Variants in KCNN2 observed in about 807,000 individuals in gnomAD.
KCNN2 encodes small conductance calcium-activated potassium channel protein 2.
KCNN2 carries 24 observed loss-of-function variants against 55.5 expected under a neutral mutation model. The ratio of observed to expected loss-of-function variants is 0.43; its 90% confidence interval spans 0.31 to 0.61. KCNN2 has a LOEUF of 0.61. Ranked by LOEUF, KCNN2 falls within the 20% of genes least tolerant of loss-of-function variation. The pLI, the probability that KCNN2 is intolerant of heterozygous loss-of-function variation, is 0.08. For synonymous variants in KCNN2, 431 were observed against 336.1 expected (o/e 1.28, Z -3.09); for missense variants, 754 against 853.6 (o/e 0.88, Z 1.45).
At chr5:114,313,646 G>T (rs889296511) in intron 2 of KCNN2, among the ~76,000 whole-genome samples, 5 of 152,152 alleles carry the variant, frequency 3.3e-5, no homozygotes, top group African/African-American at 1.2e-4. Flanking sequence ...GAGATGTTCT[G>T]CCTTCAGCCT....
intron 1 of KCNN2, among the ~76,000 whole-genome samples, chr5:114,213,023 T>A (rs1686066851): frequency 1.3e-5 from 2 of 151,948 alleles, no homozygotes; most frequent in Non-Finnish European, 1.5e-5. Context: ...AATGAGATGC[T>A]GGGGGAAAGA....
intron 1 of KCNN2, among the ~76,000 whole-genome samples, chr5:114,079,852 A>T (rs549711689): frequency 0.066 from 9,921 of 150,918 alleles, 429 homozygotes; most frequent in African/African-American, 0.11. Context: ...TGTGAGAGAG[A>T]GAGAGAGAGA....
intron 1 of KCNN2, among the ~76,000 whole-genome samples, chr5:114,150,807 G>A (rs889975089): frequency 8.5e-5 from 13 of 152,050 alleles, no homozygotes; most frequent in Non-Finnish European, 1.3e-4. Flanking sequence ...AGATCACCTC[G>A]GGTTGGGAGT....
intron 1 of KCNN2, among the ~76,000 whole-genome samples, chr5:114,216,570 A>G (rs1754005221): frequency 6.6e-6 from 1 of 152,162 alleles, no homozygotes; most frequent in South Asian, 2.1e-4. Flanking sequence ...ATAGATACAG[A>G]AAAAGCATTT....
intron 3 of KCNN2, among the ~76,000 whole-genome samples, chr5:114,427,499 A>G (rs1223857709): frequency 6.6e-6 from 1 of 152,206 alleles, no homozygotes; most frequent in African/African-American, 2.4e-5. Flanking sequence ...CCATCAAACC[A>G]ATCCCACTCT....
intron 3 of KCNN2, among the ~76,000 whole-genome samples, chr5:114,437,100 CTG>C (rs1176786650): frequency 6.6e-6 from 1 of 151,708 alleles, no homozygotes; most frequent in Non-Finnish European, 1.5e-5. Flanking sequence ...GCAAGAAAAA[CTG>C]AGCTTTAAGT....
At chr5:114,131,077 G>GA (rs1455097742) in intron 1 of KCNN2, among the ~76,000 whole-genome samples, 1 of 151,978 alleles carries the variant, frequency 6.6e-6, no homozygotes, top group African/African-American at 2.4e-5. Context: ...CTAAGCCATT[G>GA]AAAGCACAAT....
intron 2 of KCNN2, among the ~76,000 whole-genome samples, chr5:114,375,472 T>C (rs1180556214): frequency 6.6e-6 from 1 of 152,194 alleles, no homozygotes; most frequent in Non-Finnish European, 1.5e-5. Flanking sequence ...TTTTAGAAAC[T>C]TGCTGTAAGT....
At chr5:114,334,617 T>C (rs1444862776) in intron 2 of KCNN2, among the ~76,000 whole-genome samples, 1 of 152,134 alleles carries the variant, frequency 6.6e-6, no homozygotes, top group Non-Finnish European at 1.5e-5. Context: ...ACTTTTACAT[T>C]TTAGACTCTA....
chr5:114,081,394 C>G (rs1750817250), intron 1 of KCNN2, among the ~76,000 whole-genome samples: 1 of 152,050 alleles, frequency 6.6e-6, no homozygotes, highest in Non-Finnish European at 1.5e-5. Flanking sequence ...AGACTTATTA[C>G]AAAGCTGTAG....
At chr5:114,179,095 A>C (rs1409455030) in intron 1 of KCNN2, among the ~76,000 whole-genome samples, 2 of 152,184 alleles carry the variant, frequency 1.3e-5, no homozygotes, top group African/African-American at 4.8e-5. Context: ...AATTGGGCCC[A>C]AACTCATCAG....
At position 114,309,992 on chromosome 5, in the gene KCNN2, T is replaced by C. The variant is rs1756364162; in HGVS notation, c.-184-50953T>C. ...AAATGCAGTTTATTTCACAAAAGAC[T>C]TTCCTTACTCCTCTCAAGTTGCAGG... On this transcript the variant is annotated intron_variant, in intron 2 of 10. Coordinates refer to the KCNN2 transcript ENST00000512097. Among the ~76,000 whole-genome samples, 3 of 152,208 alleles carry C rather than the reference T, an allele frequency of 2.0e-5. No homozygotes were observed. The South Asian group carries it at 6.2e-4, about 31-fold the overall frequency.
chr5:114,362,740 G>A lies in KCNN2; in HGVS notation c.601G>A (p.Ala201Thr). The A allele has an allele frequency of 6.5e-7, 1 of 1,538,454 alleles. No homozygotes were observed. Residue 201 changes from alanine (A) to threonine (T), a missense_variant, in exon 1 of 8, where the codon GCG becomes ACG. This residue lies in a region of KCNN2 where 381 missense variants were observed against 259.1 expected (regional missense o/e 1.47). Coordinates refer to ENST00000673685, the MANE Select transcript of KCNN2 (RefSeq NM_021614.4). ...GCACCACCAGCACCACCAGCCCCAG[G>A]CGCGCCGCGAGAGCAACCCCTTCAC... is the stretch of plus-strand genomic sequence containing the variant. ...PAHHQHHQPQ[A>T]RRESNPFTEI...
chr5:114,423,235 G>A (rs1335311332), intron 3 of KCNN2, among the ~76,000 whole-genome samples: 1 of 152,170 alleles, frequency 6.6e-6, no homozygotes, highest in East Asian at 1.9e-4. Context: ...TGTTGGATAA[G>A]AGAATCGGGC....
intron 1 of KCNN2, among the ~76,000 whole-genome samples, chr5:114,098,793 T>C (rs1323764460): frequency 6.6e-6 from 1 of 152,148 alleles, no homozygotes; most frequent in Non-Finnish European, 1.5e-5. Context: ...CCAATCTTTT[T>C]TTCCCTCTTT....
rs372987285 is a variant in KCNN2 at position 114,354,667 on chromosome 5, A to C, written c.-184-6278A>C. 4.1e-4 allele frequency among the ~76,000 whole-genome samples: 62 copies of C among 152,328 alleles called. No individual in the cohort carries two copies. In the East Asian group the frequency reaches 0.011, roughly 26 times the overall value. Reference sequence around the variant, plus strand: ...ATGAGCTAGGAAGTACTCCTTGTTAAGAAAATTTAACTTGTGAAAGTATCC... The same window carrying C: ...ATGAGCTAGGAAGTACTCCTTGTTACGAAAATTTAACTTGTGAAAGTATCC... On this transcript the variant is annotated intron_variant, in intron 2 of 10. Coordinates refer to the KCNN2 transcript ENST00000512097.
At chr5:114,171,468 A>G (rs1753031173) in intron 1 of KCNN2, among the ~76,000 whole-genome samples, 1 of 151,860 alleles carries the variant, frequency 6.6e-6, no homozygotes, top group South Asian at 2.1e-4. Context: ...TAATTATTCG[A>G]TTAATATTTC....
chr5:114,374,992 C>G (rs548304939), intron 2 of KCNN2, among the ~76,000 whole-genome samples: 1 of 152,106 alleles, frequency 6.6e-6, no homozygotes, highest in South Asian at 2.1e-4. Context: ...AGGGGAAATT[C>G]TGTGCAATAT....
intron 4 of KCNN2, among the ~76,000 whole-genome samples, chr5:114,464,850 A>C (rs1365794122): frequency 6.7e-6 from 1 of 149,896 alleles, no homozygotes; most frequent in Non-Finnish European, 1.5e-5. Flanking sequence ...TTTGTTTACT[A>C]TTGGATCACT....
Sources: allele counts gnomAD v4.1 joint callset (sites outside exome capture counted in the v4.1 genomes callset), GRCh38; gene constraint gnomAD v4.1.1; regional missense constraint gnomAD v4.1.1; transcripts MANE v1.5; gene names NCBI Gene and HGNC (gene_info 2026-07-23, HGNC 2026-07-21).